TPTE: variants seen among roughly 807,000 people sequenced by gnomAD.
The protein encoded by TPTE is transmembrane phosphatase with tensin homology.
In TPTE, 59 loss-of-function variants were observed where a neutral mutation model predicts 84.1. That is an observed-to-expected ratio of 0.70 (90% CI 0.57 to 0.87). TPTE has a LOEUF of 0.87. Ranked by LOEUF, TPTE falls within the 40% of genes least tolerant of loss-of-function variation. TPTE has a pLI of 0.00. For missense variants in TPTE, 382 were observed against 659.6 expected, an observed-to-expected ratio of 0.58 and a Z score of 4.61; for synonymous variants, 130 against 223.5, an observed-to-expected ratio of 0.58 and a Z score of 3.73.
intron 10 of TPTE, 33 bp from the exon 11 acceptor site, chr21:10,567,637 G>T (rs370752721): frequency 2.4e-5 from 39 of 1,607,890 alleles, no homozygotes; most frequent in South Asian, 5.6e-5. Context: ...TTGCAGGGGG[G>T]AATGAACTTA....
intron 17 of TPTE, among the ~76,000 whole-genome samples, chr21:10,588,985 T>C (rs545595697): frequency 6.6e-6 from 1 of 152,428 alleles, no homozygotes; most frequent in East Asian, 1.9e-4. Context: ...TTGAATTGTT[T>C]ATTGTCATCT....
intron 10 of TPTE, 42 bp downstream of exon 10, chr21:10,561,233 GTT>G: frequency 6.2e-7 from 1 of 1,606,266 alleles, no homozygotes; most frequent in Non-Finnish European, 8.5e-7. Flanking sequence ...CTACTTTGTA[GTT>G]TTATAAGAAG....
intron 8 of TPTE, among the ~76,000 whole-genome samples, chr21:10,553,505 A>G (rs1180878725): frequency 6.6e-6 from 1 of 152,312 alleles, no homozygotes; most frequent in African/African-American, 2.4e-5. Context: ...GATTAGCTAT[A>G]CGTTTTCTGT....
chr21:10,556,664 G>A (rs1160667947), intron 8 of TPTE, among the ~76,000 whole-genome samples: 6 of 152,310 alleles, frequency 3.9e-5, no homozygotes, highest in African/African-American at 1.4e-4. Context: ...CACCAACAGT[G>A]TAAAAGTGTT....
chr21:10,601,192 A>T (rs1978454285), intron 21 of TPTE, among the ~76,000 whole-genome samples: 2 of 152,272 alleles, frequency 1.3e-5, no homozygotes. Context: ...AATACTTTTT[A>T]AAAGTGCGGC....
Position 10,541,021 on chromosome 21 carries a change from T to A in TPTE, c.12-91T>A, listed in dbSNP as rs367977043. 1,594 of 1,568,646 alleles carry A rather than the reference T, an allele frequency of 1.0e-3. No homozygotes were observed. The East Asian group carries it at 0.019, about 19-fold the overall frequency. ...TACATGTGAATAATAAAAGTGTAAC[T>A]GGGGAATGACACATAGACTAACTGT... On this transcript the variant is annotated intron_variant, in intron 4 of 23. Coordinates refer to ENST00000618007, the MANE Select transcript of TPTE (RefSeq NM_199261.4).
intron 6 of TPTE, among the ~76,000 whole-genome samples, 176 bp downstream of exon 6, chr21:10,542,624 C>T (rs558135442): frequency 7.9e-4 from 121 of 152,374 alleles, no homozygotes; most frequent in Admixed American, 9.8e-4. Context: ...TCCATCCACA[C>T]GTCTCTTCAA....
chr21:10,527,770 A>G (rs1216432011), intron 3 of TPTE, among the ~76,000 whole-genome samples: 2 of 152,308 alleles, frequency 1.3e-5, no homozygotes, highest in African/African-American at 4.8e-5. Context: ...CTCACCCTTC[A>G]GAGCTGGTGC....
chr21:10,572,947 A>G (rs1362821250), intron 14 of TPTE, among the ~76,000 whole-genome samples: 2 of 152,194 alleles, frequency 1.3e-5, no homozygotes, highest in Non-Finnish European at 2.9e-5. Flanking sequence ...AAACAACCAG[A>G]AAAAAATGAA....
chr21:10,599,830 G>A (rs867242597), intron 21 of TPTE, among the ~76,000 whole-genome samples: 7,200 of 123,874 alleles, frequency 0.058, no homozygotes, highest in African/African-American at 0.15. Context: ...TTAGTTAGTT[G>A]GTTCTTTCTT....
At chr21:10,604,062 G>T (rs1978955870) in intron 23 of TPTE, among the ~76,000 whole-genome samples, 1 of 152,308 alleles carries the variant, frequency 6.6e-6, no homozygotes, top group Non-Finnish European at 1.5e-5. Context: ...CTGAAAAGCT[G>T]ACTGACACAC....
intron 4 of TPTE, among the ~76,000 whole-genome samples, chr21:10,539,352 T>A (rs1000732288): frequency 6.6e-6 from 1 of 152,310 alleles, no homozygotes; most frequent in African/African-American, 2.4e-5. Context: ...ACCACCTCAT[T>A]GGATGCAGCC....
At chr21:10,526,131 A>G (rs532927679) in intron 2 of TPTE, among the ~76,000 whole-genome samples, 12 of 152,424 alleles carry the variant, frequency 7.9e-5, no homozygotes, top group South Asian at 4.1e-4. Flanking sequence ...GCGGATGCCT[A>G]TAGATGCCTT....
chr21:10,568,216 A>G (rs1427567125), intron 11 of TPTE, among the ~76,000 whole-genome samples: 1 of 152,310 alleles, frequency 6.6e-6, no homozygotes, highest in Non-Finnish European at 1.5e-5. Context: ...TGCTTCAACT[A>G]CAAATCCCTT....
chr21:10,585,403 T>C (rs969919062), intron 17 of TPTE, among the ~76,000 whole-genome samples: 4 of 152,426 alleles, frequency 2.6e-5, no homozygotes, highest in African/African-American at 4.8e-5. Flanking sequence ...GTTAATTGCA[T>C]TGATTAAGTG....
rs1263386872 is a variant in TPTE, at chr21:10,596,015, C to G, written c.1204C>G (p.His402Asp). 6.2e-7 allele frequency: 1 copy of G among 1,613,886 alleles called. No homozygotes were observed. Among genetic ancestry groups the G allele is most frequent in the Non-Finnish European group, 8.5e-7 (1 of 1,179,880 alleles). The change falls in exon 20 of 24, where the codon CAT (histidine) becomes GAT (aspartate). Residue 402 changes from histidine to aspartate, a missense_variant. By Grantham distance (81) the His-to-Asp change is moderately conservative (BLOSUM62 -1). Coordinates refer to ENST00000618007, the MANE Select transcript of TPTE (RefSeq NM_199261.4). ...RYVAYFAQVK[H>D]LYNWNLPPRR... Reference sequence around the variant, plus strand: ...TGTTGCATATTTTGCACAAGTGAAACATCTCTACAACTGGAATCTCCCTCC... The same window carrying G: ...TGTTGCATATTTTGCACAAGTGAAAGATCTCTACAACTGGAATCTCCCTCC...
chr21:10,537,072 G>GACAC (rs1242997968), intron 3 of TPTE, among the ~76,000 whole-genome samples: 50 of 152,394 alleles, frequency 3.3e-4, no homozygotes, highest in African/African-American at 1.2e-3. Flanking sequence ...GAGCAGAGAA[G>GACAC]ACACCTATAA....
At chr21:10,534,849 C>T (rs1200810944) in intron 3 of TPTE, among the ~76,000 whole-genome samples, 1 of 152,420 alleles carries the variant, frequency 6.6e-6, no homozygotes, top group East Asian at 1.9e-4. Context: ...GCTGAGTTGA[C>T]TAGTAGCTAA....
chr21:10,523,964 T>G (rs2074034516), intron 1 of TPTE, among the ~76,000 whole-genome samples: 1 of 152,306 alleles, frequency 6.6e-6, no homozygotes, highest in Non-Finnish European at 1.5e-5. Context: ...CACCTGTTGT[T>G]TCCTGACTTT....
Sources: gnomAD v4.1 joint callset for allele counts (sites outside exome capture counted in the v4.1 genomes callset) on GRCh38, gnomAD v4.1.1 for gene constraint, MANE v1.5 for transcripts, NCBI Gene and HGNC (gene_info 2026-07-23, HGNC 2026-07-21) for gene names.